GNAT3: variants seen among roughly 807,000 people sequenced by gnomAD.
GNAT3 encodes the protein G protein subunit alpha transducin 3.
A neutral mutation model predicts 37.7 loss-of-function variants in GNAT3; 31 were observed. The ratio of observed to expected loss-of-function variants is 0.82; its 90% CI spans 0.62 to 1.11. The LOEUF (loss-of-function observed/expected upper bound fraction) is 1.11, where lower values mean the gene tolerates loss of function less well. Among genes scored for constraint, GNAT3 ranks in the 50% most tolerant of loss-of-function variants. GNAT3 has a pLI of 0.00. For synonymous variants in GNAT3, 138 were observed against 139.8 expected, an observed-to-expected ratio of 0.99 and a Z score of 0.09; for missense variants, 437 against 412.5, an observed-to-expected ratio of 1.06 and a Z score of -0.51.
chr7:80,463,886 A>G (rs1014105204), intron 5 of GNAT3, among the ~76,000 whole-genome samples: 1 of 150,634 alleles, frequency 6.6e-6, no homozygotes, highest in Non-Finnish European at 1.5e-5. Flanking sequence ...TCAAGGCATG[A>G]GAGAACATAG....
At chr7:80,487,365 G>A (rs1790507772) in intron 3 of GNAT3, among the ~76,000 whole-genome samples, 1 of 152,078 alleles carries the variant, frequency 6.6e-6, no homozygotes, top group Admixed American at 6.6e-5. Flanking sequence ...AGCAAACTGT[G>A]GAGAAAGCTA....
At chr7:80,468,628 A>G (rs988705072) in intron 5 of GNAT3, among the ~76,000 whole-genome samples, 3 of 152,092 alleles carry the variant, frequency 2.0e-5, no homozygotes, top group Non-Finnish European at 4.4e-5. Flanking sequence ...CCCATAGCAA[A>G]TGGTCTAACC....
chr7:80,503,083 T>C (rs892229232), intron 1 of GNAT3, among the ~76,000 whole-genome samples: 11 of 152,194 alleles, frequency 7.2e-5, no homozygotes, highest in Admixed American at 7.2e-4. Flanking sequence ...ACTATCATTT[T>C]AGTTACATAG....
intron 3 of GNAT3, 43 bp downstream of exon 3, chr7:80,488,492 A>G (rs368220755): frequency 3.9e-6 from 6 of 1,530,718 alleles, no homozygotes; most frequent in Non-Finnish European, 5.4e-6. Flanking sequence ...TATGGCTCAA[A>G]CTCTATTGCA....
At chr7:80,489,396 T>C (rs983315649) in intron 2 of GNAT3, among the ~76,000 whole-genome samples, 1 of 152,152 alleles carries the variant, frequency 6.6e-6, no homozygotes, top group Non-Finnish European at 1.5e-5. Flanking sequence ...TGCATCTTTA[T>C]TGTATAATTT....
intron 1 of GNAT3, among the ~76,000 whole-genome samples, chr7:80,508,285 C>T (rs1030162053): frequency 1.3e-5 from 2 of 150,982 alleles, no homozygotes; most frequent in African/African-American, 2.4e-5. Context: ...AAAAAACAAA[C>T]GAAACTGATG....
chr7:80,497,153 T>C (rs1230557525), intron 1 of GNAT3, among the ~76,000 whole-genome samples: 1 of 152,144 alleles, frequency 6.6e-6, no homozygotes, highest in Non-Finnish European at 1.5e-5. Flanking sequence ...AAACACAAAC[T>C]GACAGATTGG....
chr7:80,480,558 A>G (rs1374014395), intron 3 of GNAT3, among the ~76,000 whole-genome samples: 2 of 152,160 alleles, frequency 1.3e-5, no homozygotes, highest in Non-Finnish European at 2.9e-5. Flanking sequence ...AAGGAATAAA[A>G]GAATGGCTAC....
intron 4 of GNAT3, among the ~76,000 whole-genome samples, chr7:80,476,818 T>C (rs1790311597): frequency 6.6e-6 from 1 of 151,946 alleles, no homozygotes; most frequent in Non-Finnish European, 1.5e-5. Context: ...TTCAACTACC[T>C]TTCTCAGCAA....
At chr7:80,507,053 G>A (rs1448901052) in intron 1 of GNAT3, among the ~76,000 whole-genome samples, 3 of 151,992 alleles carry the variant, frequency 2.0e-5, no homozygotes, top group Non-Finnish European at 2.9e-5. Flanking sequence ...AAAACAAAAA[G>A]TTGGAAACAT....
chr7:80,502,271 G>T (rs1215322553), intron 1 of GNAT3, among the ~76,000 whole-genome samples: 1 of 152,028 alleles, frequency 6.6e-6, no homozygotes, highest in Non-Finnish European at 1.5e-5. Flanking sequence ...TATAGCTTTT[G>T]CATATCAAGC....
intron 3 of GNAT3, among the ~76,000 whole-genome samples, chr7:80,479,900 C>A (rs1000484438): frequency 1.3e-5 from 2 of 151,984 alleles, no homozygotes; most frequent in Non-Finnish European, 2.9e-5. Flanking sequence ...TTGTTGATTG[C>A]ATATGCCTTT....
rs959379192 is a variant in GNAT3 at position 80,469,844 on chromosome 7, A to T, written c.590+4407T>A. On this transcript the variant is annotated intron_variant, in intron 5 of 7. Coordinates refer to ENST00000398291, the MANE Select transcript of GNAT3 (RefSeq NM_001102386.3). ...ACCCTGTGCACTTTTGGACTATCCT[A>T]TTTAGCACTTGAAATAAAAGCTATT... Among the ~76,000 whole-genome samples the T allele has an allele frequency of 1.5e-4, 23 of 152,328 alleles. 2 individuals are homozygous for T. The highest frequency in any genetic ancestry group is 4.1e-4 in the South Asian group (2 of 4,834).
At chr7:80,474,793 A>T (rs2116162788) in intron 4 of GNAT3, among the ~76,000 whole-genome samples, 1 of 152,252 alleles carries the variant, frequency 6.6e-6, no homozygotes, top group Middle Eastern at 3.4e-3. Flanking sequence ...TAGTGCCTGG[A>T]TCATTACAAA....
intron 2 of GNAT3, among the ~76,000 whole-genome samples, chr7:80,493,962 T>C (rs1790664229): frequency 6.6e-6 from 1 of 152,012 alleles, no homozygotes; most frequent in Non-Finnish European, 1.5e-5. Context: ...CTGCTTCTGT[T>C]TCTTCTGCTT....
At chr7:80,509,532 T>C (rs1791015889) in intron 1 of GNAT3, among the ~76,000 whole-genome samples, 1 of 152,132 alleles carries the variant, frequency 6.6e-6, no homozygotes, top group African/African-American at 2.4e-5. Context: ...GATTCTTTTA[T>C]ACTTCTGGTA....
At chr7:80,475,524 G>A (rs749635659) in intron 4 of GNAT3, among the ~76,000 whole-genome samples, 5 of 151,592 alleles carry the variant, frequency 3.3e-5, no homozygotes, top group East Asian at 2.0e-4. Flanking sequence ...GACAAATTTC[G>A]CCATTACACT....
chr7:80,458,925 A>G (rs111584085), intron 7 of GNAT3, 64 bp from the exon 8 acceptor site: 11 of 1,084,150 alleles, frequency 1.0e-5, no homozygotes, highest in African/African-American at 8.3e-5. Flanking sequence ...TAGGCTATAA[A>G]TAATATCAGC....
intron 1 of GNAT3, among the ~76,000 whole-genome samples, chr7:80,497,957 A>C (rs1554317599): frequency 6.6e-6 from 1 of 152,116 alleles, no homozygotes; most frequent in Non-Finnish European, 1.5e-5. Context: ...AATGAGAAAA[A>C]GTGTGTCAAT....
Sources: allele counts gnomAD v4.1 joint callset (sites outside exome capture counted in the v4.1 genomes callset), GRCh38; gene constraint gnomAD v4.1.1; transcripts MANE v1.5; gene names NCBI Gene and HGNC (gene_info 2026-07-23, HGNC 2026-07-21).